The following MARCHF8 variants were observed in gnomAD, a reference collection of about 807,000 sequenced individuals.
MARCHF8 encodes the protein membrane associated ring-CH-type finger 8.
A neutral mutation model predicts 51.6 loss-of-function variants in MARCHF8; 40 were observed. The observed-to-expected ratio is 0.77, with a 90% CI of 0.60 to 1.01. The LOEUF (loss-of-function observed/expected upper bound fraction) is 1.01. MARCHF8 is among the 50% of genes least tolerant of loss of function. The pLI, the probability that MARCHF8 is intolerant of heterozygous loss-of-function variation, is 0.00. For missense variants in MARCHF8, 685 were observed against 708.6 expected (o/e 0.97, Z 0.38); for synonymous variants, 263 against 280.3 (o/e 0.94, Z 0.62).
At chr10:45,460,904 G>A (rs937161794) in intron 6 of MARCHF8, among the ~76,000 whole-genome samples, 38 of 152,188 alleles carry the variant, frequency 2.5e-4, no homozygotes, top group African/African-American at 7.5e-4. Context: ...GAAGCAGGAC[G>A]TCAACAGTTA....
chr10:45,531,847 A>G lies in MARCHF8; in HGVS notation c.102+1263T>C, dbSNP rs1264250286. 2.6e-5 allele frequency among the ~76,000 whole-genome samples: 4 copies of G among 152,204 alleles called. No homozygotes were observed. The East Asian group carries it at 7.7e-4, about 29-fold the overall frequency. On this transcript the variant is annotated intron_variant, in intron 2 of 7. Coordinates refer to ENST00000453424, the MANE Select transcript of MARCHF8 (RefSeq NM_001282866.2). Reference sequence around the variant, plus strand: ...GCACAGGAGGATCAGAAATCATAGCAAAAGATTTTGGGTTGAACCTGTGCC... The same window carrying G: ...GCACAGGAGGATCAGAAATCATAGCGAAAGATTTTGGGTTGAACCTGTGCC...
intron 1 of MARCHF8, among the ~76,000 whole-genome samples, chr10:45,579,445 T>TTTTTTTTTTTTTTTTTTTTTTGAGACGG (rs1255570130): frequency 6.6e-6 from 1 of 151,732 alleles, no homozygotes; most frequent in African/African-American, 2.4e-5. Flanking sequence ...AAATTTCTTT[T>TTTTTTTTTTTTTTTTTTTTTTGAGACGG]AAAAAGCACT....
chr10:45,491,029 G>A (rs898539293), intron 2 of MARCHF8, among the ~76,000 whole-genome samples: 2 of 152,150 alleles, frequency 1.3e-5, no homozygotes, highest in Admixed American at 6.5e-5. Flanking sequence ...TCAGCCTCCC[G>A]AGCAGCTAGG....
At chr10:45,551,231 G>A (rs528246320) in intron 1 of MARCHF8, among the ~76,000 whole-genome samples, 1 of 152,230 alleles carries the variant, frequency 6.6e-6, no homozygotes, top group East Asian at 1.9e-4. Flanking sequence ...CTGACAACTA[G>A]AAAGTAAATA....
intron 1 of MARCHF8, among the ~76,000 whole-genome samples, chr10:45,566,590 A>G (rs972138634): frequency 1.3e-5 from 2 of 152,234 alleles, no homozygotes; most frequent in Non-Finnish European, 2.9e-5. Context: ...ATATTGCTGC[A>G]AATGACTGGA....
chr10:45,571,937 G>A (rs1054445795), intron 1 of MARCHF8, among the ~76,000 whole-genome samples: 9 of 152,082 alleles, frequency 5.9e-5, no homozygotes, highest in South Asian at 2.1e-4. Flanking sequence ...GTTTAATCAC[G>A]CGGGGACACC....
At chr10:45,504,124 A>G (rs529256298) in intron 2 of MARCHF8, among the ~76,000 whole-genome samples, 7 of 152,202 alleles carry the variant, frequency 4.6e-5, no homozygotes, top group Non-Finnish European at 8.8e-5. Flanking sequence ...ATTTAATGGT[A>G]TGAAAGCTGT....
intron 3 of MARCHF8, among the ~76,000 whole-genome samples, chr10:45,466,652 C>A (rs1842978690): frequency 1.3e-5 from 2 of 152,102 alleles, no homozygotes; most frequent in Admixed American, 6.5e-5. Context: ...CTTGGAACCA[C>A]GTGTACTTTC....
chr10:45,494,243 T>C (rs977175885), intron 2 of MARCHF8, among the ~76,000 whole-genome samples: 5 of 152,230 alleles, frequency 3.3e-5, no homozygotes, highest in Non-Finnish European at 5.9e-5. Flanking sequence ...CCCAACAGAA[T>C]GTACTTGTGG....
At chr10:45,575,955 A>C (rs1242371908) in intron 1 of MARCHF8, among the ~76,000 whole-genome samples, 1 of 152,132 alleles carries the variant, frequency 6.6e-6, no homozygotes, top group Non-Finnish European at 1.5e-5. Flanking sequence ...CCCAAATCCT[A>C]TAAAATGGCC....
intron 3 of MARCHF8, among the ~76,000 whole-genome samples, chr10:45,487,227 C>T (rs2042997533): frequency 6.6e-6 from 1 of 152,212 alleles, no homozygotes; most frequent in East Asian, 1.9e-4. Context: ...GCTCAAAATA[C>T]CCACAACCCA....
intron 1 of MARCHF8, among the ~76,000 whole-genome samples, chr10:45,563,396 C>T (rs974142197): frequency 2.0e-5 from 3 of 152,052 alleles, no homozygotes; most frequent in African/African-American, 7.3e-5. Flanking sequence ...CTGTAGTATA[C>T]GCAAGGGTTC....
At chr10:45,512,179 G>A (rs2043527914) in intron 2 of MARCHF8, among the ~76,000 whole-genome samples, 1 of 151,256 alleles carries the variant, frequency 6.6e-6, no homozygotes, top group Admixed American at 6.6e-5. Context: ...CGCCCCATCT[G>A]AGAAGTGAGG....
intron 1 of MARCHF8, among the ~76,000 whole-genome samples, chr10:45,577,799 A>G (rs1012019761): frequency 5.9e-5 from 9 of 152,218 alleles, no homozygotes; most frequent in African/African-American, 2.2e-4. Flanking sequence ...AAAGCAGAGG[A>G]CTGCCTGTGG....
At chr10:45,562,631 A>T (rs2133369846) in intron 1 of MARCHF8, among the ~76,000 whole-genome samples, 1 of 152,318 alleles carries the variant, frequency 6.6e-6, no homozygotes, top group Middle Eastern at 3.4e-3. Context: ...CCTCGTCCTT[A>T]GATAAGCTTA....
intron 1 of MARCHF8, among the ~76,000 whole-genome samples, chr10:45,544,787 A>G (rs1185273434): frequency 6.6e-6 from 1 of 150,544 alleles, no homozygotes; most frequent in African/African-American, 2.4e-5. Flanking sequence ...CACTACTTCA[A>G]ATTTATTAAT....
intron 3 of MARCHF8, among the ~76,000 whole-genome samples, chr10:45,466,106 G>A (rs1842959506): frequency 6.6e-6 from 1 of 152,024 alleles, no homozygotes; most frequent in Admixed American, 6.5e-5. Context: ...CTCCTCTCGG[G>A]GCACCCATCA....
intron 2 of MARCHF8, among the ~76,000 whole-genome samples, chr10:45,525,578 T>G (rs902848529): frequency 2.0e-5 from 3 of 152,222 alleles, no homozygotes; most frequent in African/African-American, 7.2e-5. Flanking sequence ...TAAAGTGGGC[T>G]ATGCCTAGTG....
rs1200927016 is a variant in MARCHF8 at position 45,457,384 on chromosome 10, T to G, written c.*855A>C. 6.6e-6 allele frequency: 1 copy of G among 152,262 alleles called. No homozygotes were observed. Among genetic ancestry groups the G allele is most frequent in the African/African-American group, 2.4e-5 (1 of 41,438 alleles). The allele number at this position is 152,262 out of a possible 1,614,324, so 9.4% of individuals were successfully genotyped here. ...AGGCTCAAAAGCATAGGAATCATGC[T>G]TTAATTGCCATTTAGCATCCACTAA... On this transcript the variant is annotated 3_prime_UTR_variant, in exon 8 of 8. Transcript: ENST00000453424.
Sources: allele counts gnomAD v4.1 joint callset (sites outside exome capture counted in the v4.1 genomes callset), GRCh38; gene constraint gnomAD v4.1.1; transcripts MANE v1.5; gene names NCBI Gene and HGNC (gene_info 2026-07-23, HGNC 2026-07-21).